DAB1: variants seen among roughly 807,000 people sequenced by gnomAD.
DAB1 encodes the protein disabled homolog 1.
DAB1 carries 15 observed loss-of-function variants against 64.6 expected under a neutral mutation model. The ratio of observed to expected loss-of-function variants is 0.23; its 90% confidence interval spans 0.16 to 0.36. DAB1 has a LOEUF of 0.36. Among genes scored for constraint, DAB1 ranks in the 10% least tolerant of loss-of-function variants. The pLI is 1.00. For missense variants in DAB1, 596 were observed against 706.7 expected, an observed-to-expected ratio of 0.84 and a Z score of 1.78; for synonymous variants, 235 against 251.9, an observed-to-expected ratio of 0.93 and a Z score of 0.64.
intron 5 of DAB1, among the ~76,000 whole-genome samples, chr1:58,062,909 T>G (rs746457466): frequency 6.6e-6 from 1 of 152,192 alleles, no homozygotes; most frequent in Non-Finnish European, 1.5e-5. Flanking sequence ...CTGATAGAGC[T>G]GAAAAGTCAG....
At chr1:57,232,318 T>C (rs1369711895) in intron 2 of DAB1, among the ~76,000 whole-genome samples, 1 of 120,032 alleles carries the variant, frequency 8.3e-6, no homozygotes, top group Non-Finnish European at 1.7e-5. Flanking sequence ...ACGAACCTCA[T>C]TGAAATAGAC....
chr1:58,397,220 G>A (rs186806972), intron 3 of DAB1, among the ~76,000 whole-genome samples: 195 of 152,320 alleles, frequency 1.3e-3, no homozygotes, highest in African/African-American at 4.3e-3. Flanking sequence ...AAGATTCACA[G>A]AAGAACCTGT....
At chr1:58,478,768 C>T (rs1186249510) in intron 3 of DAB1, among the ~76,000 whole-genome samples, 2 of 152,094 alleles carry the variant, frequency 1.3e-5, no homozygotes, top group African/African-American at 2.4e-5. Context: ...TAGAAAAGAT[C>T]GGGTTGAGTT....
At chr1:57,977,077 C>T (rs1645937914) in intron 5 of DAB1, among the ~76,000 whole-genome samples, 1 of 152,146 alleles carries the variant, frequency 6.6e-6, no homozygotes, top group East Asian at 1.9e-4. Context: ...TCCATGGCTC[C>T]CCACTGCCCT....
intron 14 of DAB1, among the ~76,000 whole-genome samples, chr1:57,002,780 G>A (rs184220481): frequency 2.2e-4 from 34 of 152,284 alleles, no homozygotes. Flanking sequence ...AGAGGCTGCT[G>A]TTCTTTTTCT....
chr1:58,435,646 C>T (rs1042830466), intron 3 of DAB1, among the ~76,000 whole-genome samples: 1 of 152,128 alleles, frequency 6.6e-6, no homozygotes, highest in Non-Finnish European at 1.5e-5. Context: ...GCCTAGCCCC[C>T]TTCTCATCTA....
At chr1:58,155,005 T>C (rs1655144142) in intron 4 of DAB1, among the ~76,000 whole-genome samples, 2 of 152,030 alleles carry the variant, frequency 1.3e-5, no homozygotes, top group South Asian at 4.2e-4. Context: ...GAAAACCCAT[T>C]GGCAGGTGGT....
intron 5 of DAB1, among the ~76,000 whole-genome samples, chr1:58,129,189 A>T: frequency 6.6e-6 from 1 of 150,694 alleles, no homozygotes; most frequent in Admixed American, 6.6e-5. Context: ...GTCTTGGGAG[A>T]CTGTATGTGT....
chr1:57,442,644 T>C (rs1685998241), intron 7 of DAB1, among the ~76,000 whole-genome samples: 3 of 152,246 alleles, frequency 2.0e-5, no homozygotes, highest in African/African-American at 7.2e-5. Context: ...ATGAAAATGT[T>C]ACTCTCATCC....
chr1:57,729,506 T>C (rs1158008769), intron 6 of DAB1, among the ~76,000 whole-genome samples: 2 of 152,172 alleles, frequency 1.3e-5, no homozygotes, highest in Non-Finnish European at 2.9e-5. Flanking sequence ...AGGTGGGCAC[T>C]GGTAGGGGGA....
intron 3 of DAB1, among the ~76,000 whole-genome samples, chr1:58,487,483 A>G (rs931858684): frequency 6.6e-6 from 1 of 152,234 alleles, no homozygotes; most frequent in African/African-American, 2.4e-5. Flanking sequence ...TTGTAAAATG[A>G]ATCAGAAACT....
intron 2 of DAB1, among the ~76,000 whole-genome samples, chr1:57,174,485 A>C (rs982674291): frequency 2.6e-5 from 4 of 152,202 alleles, no homozygotes; most frequent in African/African-American, 9.7e-5. Flanking sequence ...CAATCATAAC[A>C]ATCCAACAAT....
chr1:58,502,894 G>C (rs901373943), intron 3 of DAB1, among the ~76,000 whole-genome samples: 5 of 152,168 alleles, frequency 3.3e-5, no homozygotes, highest in African/African-American at 1.2e-4. Flanking sequence ...TTCAAATTAA[G>C]TTTCTGAACT....
intron 5 of DAB1, among the ~76,000 whole-genome samples, chr1:57,939,928 A>C (rs1353008507): frequency 6.6e-6 from 1 of 152,244 alleles, no homozygotes; most frequent in East Asian, 1.9e-4. Flanking sequence ...TAAATGTTGA[A>C]TGAACAACCA....
At chr1:57,715,058 T>C (rs1179003238) in intron 6 of DAB1, among the ~76,000 whole-genome samples, 5 of 152,204 alleles carry the variant, frequency 3.3e-5, no homozygotes, top group Admixed American at 2.6e-4. Context: ...AATTAAACAA[T>C]ACATTAAAAA....
intron 6 of DAB1, 24 bp downstream of exon 6, chr1:57,071,498 G>T (rs775306022): frequency 1.9e-6 from 3 of 1,599,354 alleles, no homozygotes; most frequent in Non-Finnish European, 2.6e-6. Flanking sequence ...GATCTCCAGC[G>T]CAAGGATAAA....
chr1:57,390,779 T>G (rs1158040656), intron 1 of DAB1, among the ~76,000 whole-genome samples: 1 of 152,224 alleles, frequency 6.6e-6, no homozygotes, highest in Non-Finnish European at 1.5e-5. Flanking sequence ...TTTATTTTAC[T>G]TTTTGCTGTT....
Position 57,169,580 on chromosome 1 carries a change from C to G in DAB1, c.68-24151G>C, listed in dbSNP as rs1430974268. Among the ~76,000 whole-genome samples, 3 of 152,256 alleles carry G rather than the reference C, an allele frequency of 2.0e-5. No individual in the cohort carries two copies. The East Asian group carries it at 5.8e-4, about 29-fold the overall frequency. ...CAGGCCTCTGAAACTTCTCTTAGAC[C>G]CTTCTGTGTACTTCCTCATAACATC... is the stretch of plus-strand genomic sequence containing the variant. On this transcript the variant is annotated intron_variant, in intron 2 of 14. Coordinates refer to ENST00000371236, the MANE Select transcript of DAB1 (RefSeq NM_001365792.1).
At chr1:57,499,977 T>C (rs1644272271) in intron 7 of DAB1, among the ~76,000 whole-genome samples, 1 of 152,214 alleles carries the variant, frequency 6.6e-6, no homozygotes, top group African/African-American at 2.4e-5. Flanking sequence ...AATATATACA[T>C]TGTATAAATT....
Sources: allele counts gnomAD v4.1 joint callset (sites outside exome capture counted in the v4.1 genomes callset), GRCh38; gene constraint gnomAD v4.1.1; transcripts MANE v1.5; gene names NCBI Gene and HGNC (gene_info 2026-07-23, HGNC 2026-07-21).